FAM178B: variants seen among roughly 807,000 people sequenced by gnomAD.
The protein encoded by FAM178B is family with sequence similarity 178 member B.
FAM178B carries 82 observed loss-of-function variants against 91.7 expected under a neutral mutation model. The ratio of observed to expected loss-of-function variants is 0.89; its 90% confidence interval spans 0.75 to 1.07. FAM178B has a LOEUF of 1.07. Ranked by LOEUF, FAM178B falls within the 50% of genes least tolerant of loss-of-function variation. FAM178B has a pLI of 0.00. For synonymous variants in FAM178B, 368 were observed against 359.4 expected, an observed-to-expected ratio of 1.02 and a Z score of -0.27; for missense variants, 769 against 846.7, an observed-to-expected ratio of 0.91 and a Z score of 1.14.
intron 1 of FAM178B, among the ~76,000 whole-genome samples, chr2:96,973,591 C>A (rs1194494570): frequency 1.3e-5 from 2 of 152,068 alleles, no homozygotes; most frequent in Non-Finnish European, 2.9e-5. Flanking sequence ...GTCTAATGAT[C>A]AAAGGAAATC....
At chr2:96,971,186 CCCCT>C (rs2082212277) in intron 3 of FAM178B, among the ~76,000 whole-genome samples, 1 of 150,212 alleles carries the variant, frequency 6.7e-6, no homozygotes, top group African/African-American at 2.5e-5. Flanking sequence ...AGCTTCTCTC[CCCCT>C]CCCTATCTGC....
intron 12 of FAM178B, among the ~76,000 whole-genome samples, chr2:96,911,324 T>C (rs1390389037): frequency 6.6e-6 from 1 of 152,134 alleles, no homozygotes; most frequent in Non-Finnish European, 1.5e-5. Flanking sequence ...GCTGAAGAGA[T>C]GTGAACCAGG....
At chr2:96,906,733 C>T (rs6718420) in intron 12 of FAM178B, among the ~76,000 whole-genome samples, 18,684 of 152,266 alleles carry the variant, frequency 0.12, 1,240 homozygotes, top group Middle Eastern at 0.23. Context: ...CAGGTTCTCC[C>T]CCACGCACAG....
At chr2:96,908,292 T>C (rs2081092601) in intron 12 of FAM178B, among the ~76,000 whole-genome samples, 1 of 152,184 alleles carries the variant, frequency 6.6e-6, no homozygotes, top group Non-Finnish European at 1.5e-5. Flanking sequence ...AACCCGTCTA[T>C]ATATAACCAC....
chr2:96,947,828 GAAGA>G lies in FAM178B; in HGVS notation c.1064_1067del (p.Ile355ThrfsTer51). 1 of 1,543,162 alleles carries G rather than the reference GAAGA, an allele frequency of 6.5e-7. No individual in the cohort carries two copies. The highest frequency in any genetic ancestry group is 8.8e-7 in the Non-Finnish European group (1 of 1,139,448). Reference sequence around the variant, plus strand: ...CATCCCAGTACTGACCAGGCTGAAGGAAGATTCCATCCACAATGAGATCCCACAG... The same window carrying G: ...CATCCCAGTACTGACCAGGCTGAAGGTTCCATCCACAATGAGATCCCACAG... On this transcript the variant is annotated frameshift_variant, in exon 8 of 17. Coordinates refer to ENST00000490605, the MANE Select transcript of FAM178B (RefSeq NM_001122646.3). LOFTEE classifies it high-confidence loss of function.
At chr2:96,956,074 G>A (rs1312633056) in intron 6 of FAM178B, among the ~76,000 whole-genome samples, 1 of 152,220 alleles carries the variant, frequency 6.6e-6, no homozygotes, top group Non-Finnish European at 1.5e-5. Flanking sequence ...ACACCCCAAT[G>A]TCCTTGCAAA....
chr2:96,899,851 C>CT (rs78433909), intron 13 of FAM178B, among the ~76,000 whole-genome samples: 1,504 of 113,442 alleles, frequency 0.013, 14 homozygotes, highest in Non-Finnish European at 0.016. Flanking sequence ...ATTCCCCACT[C>CT]TTTTTTTTTT....
At chr2:96,964,294 A>G (rs764478178) in intron 5 of FAM178B, among the ~76,000 whole-genome samples, 1 of 152,126 alleles carries the variant, frequency 6.6e-6, no homozygotes, top group Non-Finnish European at 1.5e-5. Context: ...TGGGGATCCT[A>G]AAAGCAGGCC....
intron 14 of FAM178B, among the ~76,000 whole-genome samples, chr2:96,893,415 A>G (rs2080730114): frequency 6.6e-6 from 1 of 152,024 alleles, no homozygotes; most frequent in Non-Finnish European, 1.5e-5. Flanking sequence ...AAAGCTGGGC[A>G]ATGTCTGGAA....
At chr2:96,960,471 A>T (rs1333307885) in intron 5 of FAM178B, 31 bp from the exon 6 acceptor site, 1 of 1,513,930 alleles carries the variant, frequency 6.6e-7, no homozygotes, top group Non-Finnish European at 8.9e-7. Context: ...AGGGCCGGGC[A>T]TCAGCAGATG....
At chr2:96,955,070 T>C (rs939326298) in intron 6 of FAM178B, among the ~76,000 whole-genome samples, 1 of 151,696 alleles carries the variant, frequency 6.6e-6, no homozygotes, top group African/African-American at 2.4e-5. Flanking sequence ...AAAAATGAAA[T>C]AAAAATGAGT....
intron 14 of FAM178B, among the ~76,000 whole-genome samples, chr2:96,879,672 C>T (rs1275115548): frequency 3.9e-5 from 6 of 152,260 alleles, no homozygotes; most frequent in African/African-American, 7.2e-5. Context: ...CTAAGGCCCA[C>T]GGGTGGTCTG....
chr2:96,918,471 C>T (rs138616017), intron 12 of FAM178B, among the ~76,000 whole-genome samples: 1 of 152,302 alleles, frequency 6.6e-6, no homozygotes, highest in African/African-American at 2.4e-5. Flanking sequence ...TTTCCACTCA[C>T]CAGATTGACT....
chr2:96,907,583 C>T (rs2081079993), intron 12 of FAM178B, among the ~76,000 whole-genome samples: 1 of 152,272 alleles, frequency 6.6e-6, no homozygotes, highest in South Asian at 2.1e-4. Flanking sequence ...CCCTGTCCCC[C>T]TCCACCCACC....
chr2:96,949,571 C>T (rs920288280), intron 7 of FAM178B, among the ~76,000 whole-genome samples: 1 of 152,138 alleles, frequency 6.6e-6, no homozygotes, highest in Non-Finnish European at 1.5e-5. Flanking sequence ...CAGGAACCAC[C>T]CTCGCACCTG....
chr2:96,932,941 CA>C (rs35133795), intron 8 of FAM178B, among the ~76,000 whole-genome samples: 766 of 33,848 alleles, frequency 0.023, 4 homozygotes, highest in African/African-American at 0.063. Context: ...CTCCGTCTCA[CA>C]AAAAAAAAAA....
intron 1 of FAM178B, among the ~76,000 whole-genome samples, chr2:96,975,094 C>CAAAAAAA (rs34807786): frequency 1.1e-4 from 6 of 56,262 alleles, no homozygotes; most frequent in Admixed American, 2.8e-4. Context: ...GACTCTGTCT[C>CAAAAAAA]AAAAAAAAAA....
intron 1 of FAM178B, among the ~76,000 whole-genome samples, chr2:96,983,487 G>GT (rs2082387677): frequency 6.6e-6 from 1 of 151,596 alleles, no homozygotes; most frequent in Non-Finnish European, 1.5e-5. Context: ...CTCGGATGGT[G>GT]TGATAACAGC....
intron 5 of FAM178B, among the ~76,000 whole-genome samples, chr2:96,964,730 G>A (rs945811632): frequency 2.8e-4 from 42 of 152,204 alleles, no homozygotes; most frequent in South Asian, 1.5e-3. Flanking sequence ...CTTCTCCTTC[G>A]TCCCTTCTTG....
Sources: allele counts gnomAD v4.1 joint callset (sites outside exome capture counted in the v4.1 genomes callset), GRCh38; gene constraint gnomAD v4.1.1; transcripts MANE v1.5; gene names NCBI Gene and HGNC (gene_info 2026-07-23, HGNC 2026-07-21).